NELL1: variants seen among roughly 807,000 people sequenced by gnomAD.
NELL1 encodes neural EGFL like 1.
Under a neutral mutation model 107.4 loss-of-function variants are expected in NELL1, and 76 were observed. The ratio of observed to expected loss-of-function variants is 0.71; its 90% confidence interval spans 0.59 to 0.86. NELL1 has a LOEUF of 0.86. Ranked by LOEUF, NELL1 falls within the 40% of genes least tolerant of loss-of-function variation. The probability of loss-of-function intolerance (pLI) is 0.00; values close to 1 mark genes in which losing one functional copy is unlikely to be tolerated. For synonymous variants in NELL1, 353 were observed against 341.2 expected (o/e 1.03, Z -0.38); for missense variants, 1,024 against 1,005.5 (o/e 1.02, Z -0.25).
intron 15 of NELL1, among the ~76,000 whole-genome samples, chr11:21,422,295 C>A (rs971443874): frequency 1.3e-5 from 2 of 151,990 alleles, no homozygotes; most frequent in African/African-American, 4.8e-5. Flanking sequence ...ATAAAGATCT[C>A]AATAAAGGTA....
At position 21,081,015 on chromosome 11, in the gene NELL1, T is replaced by C. The variant is rs557498479; in HGVS notation, c.1301-32574T>C. Among the ~76,000 whole-genome samples, 6 of 152,172 alleles carry C rather than the reference T, an allele frequency of 3.9e-5. 1 individual carries two copies. The South Asian group carries it at 1.2e-3, about 32-fold the overall frequency. Reference sequence around the variant, plus strand: ...CTCTGTCACCCACATCCTCCTCCCATCCATATGACCTTTCAAGTCATTTTC... The same window carrying C: ...CTCTGTCACCCACATCCTCCTCCCACCCATATGACCTTTCAAGTCATTTTC... On this transcript the variant is annotated intron_variant, in intron 12 of 19. Transcript: ENST00000357134.
At chr11:21,073,102 T>C (rs1854054315) in intron 12 of NELL1, among the ~76,000 whole-genome samples, 2 of 152,140 alleles carry the variant, frequency 1.3e-5, no homozygotes, top group Admixed American at 6.6e-5. Flanking sequence ...TGGTAGAAGA[T>C]GTCTTGGAAT....
intron 2 of NELL1, among the ~76,000 whole-genome samples, chr11:20,704,390 A>C (rs959934016): frequency 7.2e-5 from 11 of 152,034 alleles, no homozygotes; most frequent in Admixed American, 6.6e-4. Flanking sequence ...TTTTGAGCCT[A>C]TGTGTGTCTC....
intron 15 of NELL1, among the ~76,000 whole-genome samples, chr11:21,457,560 G>A (rs114942703): frequency 6.6e-6 from 1 of 152,126 alleles, no homozygotes; most frequent in Non-Finnish European, 1.5e-5. Context: ...AGAGTAGAAG[G>A]CTTGGTGGGT....
At chr11:21,413,951 C>G (rs1197455334) in intron 15 of NELL1, among the ~76,000 whole-genome samples, 1 of 151,986 alleles carries the variant, frequency 6.6e-6, no homozygotes, top group Non-Finnish European at 1.5e-5. Context: ...ATAGAATGAT[C>G]AAGATTTTTT....
intron 13 of NELL1, among the ~76,000 whole-genome samples, chr11:21,163,014 A>G (rs1322695188): frequency 6.6e-6 from 1 of 152,224 alleles, no homozygotes; most frequent in Non-Finnish European, 1.5e-5. Flanking sequence ...CTGAGAAAGG[A>G]GGGATTAAAC....
chr11:20,984,032 C>T (rs530742253), intron 12 of NELL1, among the ~76,000 whole-genome samples: 4 of 152,234 alleles, frequency 2.6e-5, no homozygotes, highest in South Asian at 4.1e-4. Context: ...ACTTAGTTAT[C>T]GTCTATCTTT....
intron 3 of NELL1, among the ~76,000 whole-genome samples, chr11:20,819,087 T>G (rs1354870109): frequency 1.3e-5 from 2 of 152,222 alleles, no homozygotes; most frequent in Non-Finnish European, 2.9e-5. Flanking sequence ...TATATTTTAC[T>G]GGCTCTTTAA....
intron 6 of NELL1, 24 bp from the exon 7 acceptor site, chr11:20,919,228 A>T: frequency 7.5e-7 from 1 of 1,340,962 alleles, no homozygotes; most frequent in Middle Eastern, 2.1e-4. Context: ...ATAAATATAT[A>T]TGTTTTATAT....
chr11:21,167,167 T>G (rs1158222876), intron 13 of NELL1, among the ~76,000 whole-genome samples: 1 of 151,838 alleles, frequency 6.6e-6, no homozygotes, highest in African/African-American at 2.4e-5. Flanking sequence ...TTTTTCTACA[T>G]GTATTGGCTT....
chr11:21,542,580 T>C (rs1443352152), intron 16 of NELL1, among the ~76,000 whole-genome samples: 2 of 152,016 alleles, frequency 1.3e-5, no homozygotes, highest in African/African-American at 2.4e-5. Context: ...TTTTGACAGT[T>C]AATGTGAAAG....
At chr11:20,820,115 T>C (rs1238792294) in intron 3 of NELL1, among the ~76,000 whole-genome samples, 1 of 152,188 alleles carries the variant, frequency 6.6e-6, no homozygotes, top group Non-Finnish European at 1.5e-5. Context: ...AGCAGCATTT[T>C]TCAGTGACAA....
chr11:21,446,033 ATTT>A (rs910589515), intron 15 of NELL1, among the ~76,000 whole-genome samples: 1 of 150,156 alleles, frequency 6.7e-6, no homozygotes, highest in Non-Finnish European at 1.5e-5. Context: ...TTTCTTTTTA[ATTT>A]TTTTTCTTTA....
At chr11:20,980,008 T>C (rs1851717444) in intron 12 of NELL1, among the ~76,000 whole-genome samples, 1 of 152,242 alleles carries the variant, frequency 6.6e-6, no homozygotes. Flanking sequence ...TAGCACTTAG[T>C]ATTGTACATG....
chr11:21,390,957 T>C (rs1851862371), intron 15 of NELL1, among the ~76,000 whole-genome samples: 1 of 151,778 alleles, frequency 6.6e-6, no homozygotes, highest in African/African-American at 2.4e-5. Context: ...TGTTGTTGAA[T>C]CTCCTGTTCC....
At chr11:20,864,053 C>T (rs1849047600) in intron 4 of NELL1, among the ~76,000 whole-genome samples, 2 of 152,052 alleles carry the variant, frequency 1.3e-5, no homozygotes, top group Non-Finnish European at 2.9e-5. Flanking sequence ...GCCGAGATGG[C>T]AGCAGCACAG....
At chr11:21,560,494 C>T (rs1856823688) in intron 17 of NELL1, 112 bp downstream of exon 17, 7 of 937,014 alleles carry the variant, frequency 7.5e-6, no homozygotes, top group Non-Finnish European at 9.4e-6. Flanking sequence ...CCTGAACAGG[C>T]TTCTCCTGTT....
intron 15 of NELL1, among the ~76,000 whole-genome samples, chr11:21,438,592 A>C (rs557643581): frequency 6.6e-6 from 1 of 152,178 alleles, no homozygotes; most frequent in South Asian, 2.1e-4. Context: ...AGGACTCTCA[A>C]AATTTGAATA....
At chr11:21,001,802 G>A (rs1448684240) in intron 12 of NELL1, among the ~76,000 whole-genome samples, 1 of 151,806 alleles carries the variant, frequency 6.6e-6, no homozygotes, top group African/African-American at 2.4e-5. Context: ...CAGCCTCAAG[G>A]ATGCTCTGGA....
Sources: allele counts gnomAD v4.1 joint callset (sites outside exome capture counted in the v4.1 genomes callset), GRCh38; gene constraint gnomAD v4.1.1; transcripts MANE v1.5; gene names NCBI Gene and HGNC (gene_info 2026-07-23, HGNC 2026-07-21).